Variants in PTPRD observed in about 807,000 individuals in gnomAD.
PTPRD encodes receptor-type tyrosine-protein phosphatase delta.
PTPRD carries 34 observed loss-of-function variants against 214.5 expected under a neutral mutation model. The ratio of observed to expected loss-of-function variants is 0.16; its 90% CI spans 0.12 to 0.21. The LOEUF (loss-of-function observed/expected upper bound fraction) is 0.21. Among genes scored for constraint, PTPRD ranks in the 10% least tolerant of loss-of-function variants. The probability of loss-of-function intolerance (pLI) is 1.00; values close to 1 mark genes in which losing one functional copy is unlikely to be tolerated. For synonymous variants in PTPRD, 1,128 were observed against 845.7 expected, an observed-to-expected ratio of 1.33 and a Z score of -5.79; for missense variants, 2,545 against 2,398.7, an observed-to-expected ratio of 1.06 and a Z score of -1.27.
intron 44 of PTPRD, among the ~76,000 whole-genome samples, chr9:8,324,248 C>G (rs1831313144): frequency 6.6e-6 from 1 of 152,088 alleles, no homozygotes; most frequent in Admixed American, 6.6e-5. Context: ...TATCCCTCCC[C>G]CAGGCCCCCA....
chr9:8,595,667 C>T (rs1281052482), intron 14 of PTPRD, among the ~76,000 whole-genome samples: 1 of 152,072 alleles, frequency 6.6e-6, no homozygotes, highest in Non-Finnish European at 1.5e-5. Flanking sequence ...TGAAGTGCAT[C>T]GAAAAGTTAG....
At chr9:9,785,402 G>A (rs1025402108) in intron 5 of PTPRD, among the ~76,000 whole-genome samples, 83 of 152,106 alleles carry the variant, frequency 5.5e-4, no homozygotes, top group African/African-American at 1.9e-3. Flanking sequence ...CATAGACAAA[G>A]TATATATCAT....
At chr9:10,007,054 C>T (rs766796972) in intron 4 of PTPRD, among the ~76,000 whole-genome samples, 32 of 151,916 alleles carry the variant, frequency 2.1e-4, no homozygotes, top group Non-Finnish European at 3.4e-4. Flanking sequence ...TTGAGCTCCT[C>T]AACACCACTC....
chr9:9,616,154 A>C (rs2154349073), intron 7 of PTPRD, among the ~76,000 whole-genome samples: 1 of 152,318 alleles, frequency 6.6e-6, no homozygotes, highest in East Asian at 1.9e-4. Flanking sequence ...CACGCTTCAG[A>C]AGAGTATATT....
intron 9 of PTPRD, among the ~76,000 whole-genome samples, chr9:9,195,086 GTATATATA>G (rs540804635): frequency 4.6e-5 from 6 of 131,188 alleles, no homozygotes; most frequent in South Asian, 2.7e-4. Flanking sequence ...GTGTGTTTGT[GTATATATA>G]TATATATATA....
At chr9:8,563,501 A>G (rs1164483026) in intron 14 of PTPRD, among the ~76,000 whole-genome samples, 4 of 148,044 alleles carry the variant, frequency 2.7e-5, no homozygotes, top group Admixed American at 2.1e-4. Flanking sequence ...GCAGTGGCGC[A>G]ATCTTGGTAC....
At chr9:9,838,726 C>T (rs976673160) in intron 5 of PTPRD, among the ~76,000 whole-genome samples, 9 of 152,188 alleles carry the variant, frequency 5.9e-5, no homozygotes, top group African/African-American at 1.9e-4. Context: ...TGCCTGTTCA[C>T]TCTGATGGTA....
chr9:9,270,530 GC>G (rs1942409888), intron 9 of PTPRD, among the ~76,000 whole-genome samples: 1 of 151,370 alleles, frequency 6.6e-6, no homozygotes, highest in African/African-American at 2.4e-5. Flanking sequence ...GGCTGACGTG[GC>G]TGAGTGTGAA....
chr9:9,935,969 C>A (rs1471389518), intron 5 of PTPRD, among the ~76,000 whole-genome samples: 1 of 151,304 alleles, frequency 6.6e-6, no homozygotes, highest in East Asian at 1.9e-4. Context: ...CCAAAACAAG[C>A]AATGGGGAAA....
intron 2 of PTPRD, among the ~76,000 whole-genome samples, chr9:10,495,690 C>G (rs532260234): frequency 2.6e-5 from 4 of 151,774 alleles, no homozygotes; most frequent in African/African-American, 7.2e-5. Context: ...TAAGTGGAAA[C>G]ATAGAGACTG....
chr9:10,162,956 C>G (rs1216966133), intron 3 of PTPRD, among the ~76,000 whole-genome samples: 1 of 150,052 alleles, frequency 6.7e-6, no homozygotes. Flanking sequence ...TAGATTGGCT[C>G]CAAAAGGAAT....
At chr9:9,803,003 C>T (rs1165134498) in intron 5 of PTPRD, among the ~76,000 whole-genome samples, 2 of 151,752 alleles carry the variant, frequency 1.3e-5, no homozygotes, top group Non-Finnish European at 2.9e-5. Context: ...ACTTGGAAAA[C>T]CTAGTTCCAC....
At chr9:9,724,957 G>C (rs1377123261) in intron 7 of PTPRD, among the ~76,000 whole-genome samples, 1 of 152,108 alleles carries the variant, frequency 6.6e-6, no homozygotes, top group African/African-American at 2.4e-5. Context: ...GGCTTTGGGA[G>C]ACTCGCAGAG....
intron 8 of PTPRD, among the ~76,000 whole-genome samples, chr9:9,556,078 A>T (rs2154288151): frequency 6.6e-6 from 1 of 152,282 alleles, no homozygotes; most frequent in African/African-American, 2.4e-5. Flanking sequence ...TTAACTATGA[A>T]TAACCTATTA....
chr9:10,527,728 A>G (rs376437036), intron 2 of PTPRD, among the ~76,000 whole-genome samples: 1 of 152,154 alleles, frequency 6.6e-6, no homozygotes, highest in Non-Finnish European at 1.5e-5. Flanking sequence ...AACACTAACT[A>G]GAATGATTTG....
chr9:8,946,287 G>A (rs965058010), intron 11 of PTPRD, among the ~76,000 whole-genome samples: 1 of 152,028 alleles, frequency 6.6e-6, no homozygotes, highest in Non-Finnish European at 1.5e-5. Context: ...ATCATGGCTT[G>A]AGATAAAATT....
chr9:8,784,865 C>A (rs983293413), intron 11 of PTPRD, among the ~76,000 whole-genome samples: 1 of 152,134 alleles, frequency 6.6e-6, no homozygotes, highest in South Asian at 2.1e-4. Context: ...TCATTTACAT[C>A]TTTTTATCTT....
At chr9:8,762,406 T>C (rs1269631274) in intron 11 of PTPRD, among the ~76,000 whole-genome samples, 3 of 152,216 alleles carry the variant, frequency 2.0e-5, no homozygotes, top group Non-Finnish European at 4.4e-5. Flanking sequence ...GTCAGCTATG[T>C]TGATAGAATA....
chr9:10,517,515 C>T (rs946176682), intron 2 of PTPRD, among the ~76,000 whole-genome samples: 4 of 151,732 alleles, frequency 2.6e-5, no homozygotes, highest in African/African-American at 9.7e-5. Context: ...TTGCATTTTT[C>T]CTTCATAGAT....
Sources: gnomAD v4.1 joint callset for allele counts (sites outside exome capture counted in the v4.1 genomes callset) on GRCh38, gnomAD v4.1.1 for gene constraint, MANE v1.5 for transcripts, NCBI Gene and HGNC (gene_info 2026-07-23, HGNC 2026-07-21) for gene names.